PCDH11X: variants seen among roughly 807,000 people sequenced by gnomAD.
PCDH11X encodes the protein protocadherin 11 X-linked.
A neutral mutation model predicts 53.3 loss-of-function variants in PCDH11X; 18 were observed. The ratio of observed to expected loss-of-function variants is 0.34; its 90% CI spans 0.23 to 0.50. The LOEUF (loss-of-function observed/expected upper bound fraction) is 0.50. Among genes scored for constraint, PCDH11X ranks in the 20% least tolerant of loss-of-function variants. PCDH11X has a pLI of 0.98. For missense variants in PCDH11X, 570 were observed against 1,032.4 expected (o/e 0.55, Z 6.14); for synonymous variants, 279 against 393.3 (o/e 0.71, Z 3.44).
chrX:92,034,382 CT>C (rs1235530391), intron 6 of PCDH11X, among the ~76,000 whole-genome samples: 1 of 107,681 alleles, frequency 9.3e-6, no homozygotes, highest in African/African-American at 3.4e-5. Flanking sequence ...CTATTACTCT[CT>C]TTAACTCTAA....
intron 6 of PCDH11X, among the ~76,000 whole-genome samples, chrX:92,056,741 T>C (rs1185728457): frequency 2.7e-5 from 3 of 111,405 alleles, no homozygotes; most frequent in Non-Finnish European, 5.7e-5. Context: ...GTATTTAGAC[T>C]TAACTTTTAA....
chrX:91,989,577 A>C lies in PCDH11X; in HGVS notation c.3033+110304A>C, dbSNP rs868796449. Among the ~76,000 whole-genome samples the C allele has an allele frequency of 1.1e-3, 91 of 82,988 alleles. 2 individuals carry two copies. Among genetic ancestry groups the C allele is most frequent in the Non-Finnish European group, 4.7e-4 (17 of 36,201 alleles). 72.1% of individuals were successfully genotyped at this position (82,988 alleles called of 115,157 possible). ...GACTCTATCTCAAAAACAACAACAA[A>C]AAAAAGAATAAGAAGAGAAAAGCCA... On this transcript the variant is annotated intron_variant, in intron 6 of 10. Transcript: ENST00000682573.
intron 9 of PCDH11X, among the ~76,000 whole-genome samples, chrX:92,422,915 A>C (rs1444982794): frequency 3.7e-5 from 4 of 108,818 alleles, no homozygotes; most frequent in African/African-American, 1.3e-4. Flanking sequence ...GTGGCACGAT[A>C]TCGGCTCACT....
intron 7 of PCDH11X, among the ~76,000 whole-genome samples, chrX:92,224,975 G>A (rs181870536): frequency 2.7e-5 from 3 of 110,950 alleles, no homozygotes; most frequent in African/African-American, 9.8e-5. Context: ...TTTTTCCCTT[G>A]CATCACTTCT....
At chrX:92,251,835 A>G (rs762313819) in intron 7 of PCDH11X, among the ~76,000 whole-genome samples, 4 of 110,823 alleles carry the variant, frequency 3.6e-5, no homozygotes, top group Non-Finnish European at 7.6e-5. Flanking sequence ...TTGTTTTAAT[A>G]AGATCATACA....
intron 1 of PCDH11X, among the ~76,000 whole-genome samples, chrX:91,796,769 T>C (rs1175203774): frequency 2.7e-5 from 3 of 111,434 alleles, no homozygotes; most frequent in Admixed American, 1.9e-4. Context: ...TAGTTATCTA[T>C]ATCTTAGATG....
At chrX:91,881,255 A>G (rs755568578) in intron 6 of PCDH11X, among the ~76,000 whole-genome samples, 1 of 111,375 alleles carries the variant, frequency 9.0e-6, no homozygotes, top group East Asian at 2.8e-4. Context: ...CATTAAAAAT[A>G]ATAAACCTTT....
chrX:92,440,983 A>G (rs887056285), intron 9 of PCDH11X, among the ~76,000 whole-genome samples: 7 of 111,368 alleles, frequency 6.3e-5, no homozygotes, highest in Non-Finnish European at 1.3e-4. Flanking sequence ...GTGGTCTTAG[A>G]TAGAGATAAG....
At chrX:92,321,630 A>G (rs755303134) in intron 8 of PCDH11X, among the ~76,000 whole-genome samples, 1 of 111,962 alleles carries the variant, frequency 8.9e-6, no homozygotes, top group Non-Finnish European at 1.9e-5. Context: ...TTGCCTGCTA[A>G]GGCCTTAGAT....
chrX:92,384,708 C>T (rs373470771), intron 8 of PCDH11X, among the ~76,000 whole-genome samples: 7 of 104,449 alleles, frequency 6.7e-5, no homozygotes, highest in African/African-American at 2.1e-4. Context: ...GCCAGTTTAT[C>T]GATCTGGGTG....
At chrX:92,310,111 C>T (rs1462863145) in intron 8 of PCDH11X, among the ~76,000 whole-genome samples, 2 of 111,585 alleles carry the variant, frequency 1.8e-5, no homozygotes, top group Non-Finnish European at 3.8e-5. Flanking sequence ...TTTTGTTATG[C>T]CTTTGTTTCC....
chrX:92,135,411 T>A (rs1356363059), intron 6 of PCDH11X, among the ~76,000 whole-genome samples: 1 of 110,681 alleles, frequency 9.0e-6, no homozygotes, highest in Non-Finnish European at 1.9e-5. Context: ...TTTCTTCAAG[T>A]ATAGTAACAG....
Position 92,127,465 on chromosome X carries a change from TAAATAATTTAAGTATCACATCA to T in PCDH11X, c.3034-73909_3034-73888del, listed in dbSNP as rs887990438. ...TTTTTGAAATTCGTCAGGGTTTAAA[TAAATAATTTAAGTATCACATCA>T]GAAGCAGCCACATAGTTATCTTTCC... is the stretch of plus-strand genomic sequence containing the variant. On this transcript the variant is annotated intron_variant, in intron 6 of 10. Transcript: ENST00000682573. Among the ~76,000 whole-genome samples, 15 of 109,978 alleles carry T rather than the reference TAAATAATTTAAGTATCACATCA, an allele frequency of 1.4e-4. 1 individual carries two copies. In the Middle Eastern group the frequency reaches 0.014, roughly 104 times the overall value.
At position 91,989,691 on chromosome X, in the gene PCDH11X, A is replaced by G. The variant is rs370528893; in HGVS notation, c.3033+110418A>G. Among the ~76,000 whole-genome samples the G allele has an allele frequency of 6.8e-3, 750 of 111,009 alleles. 4 individuals carry two copies. The highest frequency in any genetic ancestry group is 0.023 in the African/African-American group (704 of 30,655). On this transcript the variant is annotated intron_variant, in intron 6 of 10. Transcript: ENST00000682573. ...CAGTTATGAAAAAAAATGGTTGTAT[A>G]TCTAATCAATTTATGAAATTTTGAT...
intron 6 of PCDH11X, among the ~76,000 whole-genome samples, chrX:91,938,212 T>C (rs1409620486): frequency 1.8e-5 from 2 of 111,446 alleles, no homozygotes; most frequent in Non-Finnish European, 3.8e-5. Flanking sequence ...AGCATATTTG[T>C]GGTTTTAAAA....
Position 91,878,421 on chromosome X carries a change from C to G in PCDH11X, c.2181C>G (p.Asp727Glu), listed in dbSNP as rs1939728282. 2.5e-6 allele frequency: 3 copies of G among 1,204,853 alleles called. No homozygotes were observed. In the Admixed American group the frequency reaches 6.6e-5, roughly 27 times the overall value. Reference protein sequence around the residue: ...GGNTRDLFAIDQETGNITLME... With the variant: ...GGNTRDLFAIEQETGNITLME... The stretch of plus-strand genomic sequence containing the variant: ...ACACAAGAGATCTGTTTGCAATCGA[C>G]CAAGAAACAGGCAACATAACATTGA... The change falls in exon 6 of 11, where the codon GAC (aspartate) becomes GAG (glutamate). Residue 727 changes from aspartate to glutamate, a missense_variant. Asp to Glu is a conservative substitution (Grantham distance 45, BLOSUM62 2). Coordinates refer to ENST00000682573, the MANE Select transcript of PCDH11X (RefSeq NM_032968.5).
chrX:92,229,833 T>G (rs1603215022), intron 7 of PCDH11X, among the ~76,000 whole-genome samples: 1 of 111,367 alleles, frequency 9.0e-6, no homozygotes, highest in East Asian at 2.8e-4. Context: ...GCAGCCTAGT[T>G]CCTGATATTG....
At chrX:92,433,720 C>T (rs1434670666) in intron 9 of PCDH11X, among the ~76,000 whole-genome samples, 2 of 111,433 alleles carry the variant, frequency 1.8e-5, no homozygotes, top group African/African-American at 3.3e-5. Context: ...GGTAGATGTG[C>T]AGGACAAATG....
chrX:91,907,401 A>ACACACACACACC (rs1941206209), intron 6 of PCDH11X, among the ~76,000 whole-genome samples: 1 of 57,231 alleles, frequency 1.7e-5, no homozygotes, highest in East Asian at 1.0e-3. Flanking sequence ...ACACACACAC[A>ACACACACACACC]CACACACACA....
Sources: gnomAD v4.1 joint callset for allele counts (sites outside exome capture counted in the v4.1 genomes callset) on GRCh38, gnomAD v4.1.1 for gene constraint, MANE v1.5 for transcripts, NCBI Gene and HGNC (gene_info 2026-07-23, HGNC 2026-07-21) for gene names.